ZNF461: variants seen among roughly 807,000 people sequenced by gnomAD.
ZNF461 encodes the protein gonadotropin-inducible ovarian transcription factor-1.
ZNF461 carries 16 observed loss-of-function variants against 18.3 expected under a neutral mutation model. The observed-to-expected ratio is 0.88, with a 90% confidence interval of 0.59 to 1.33. The LOEUF is 1.33. Among genes scored for constraint, ZNF461 ranks in the 40% most tolerant of loss-of-function variants. ZNF461 has a pLI of 0.00. For missense variants in ZNF461, 595 were observed against 669.9 expected, an observed-to-expected ratio of 0.89 and a Z score of 1.23; for synonymous variants, 179 against 216.9, an observed-to-expected ratio of 0.83 and a Z score of 1.54.
intron 3 of ZNF461, among the ~76,000 whole-genome samples, chr19:36,657,416 G>A (rs2037742589): frequency 6.6e-6 from 1 of 151,774 alleles, no homozygotes; most frequent in Non-Finnish European, 1.5e-5. Flanking sequence ...GGGAGGCAGA[G>A]GTTGCAGTGA....
At chr19:36,647,628 A>T (rs571783162) in intron 4 of ZNF461, among the ~76,000 whole-genome samples, 4 of 152,334 alleles carry the variant, frequency 2.6e-5, no homozygotes, top group African/African-American at 9.6e-5. Context: ...TATACCTAGA[A>T]GTAGAATTGC....
chr19:36,644,019 G>A (rs1230077071), intron 4 of ZNF461, among the ~76,000 whole-genome samples, 157 bp from the exon 5 acceptor site: 7 of 151,900 alleles, frequency 4.6e-5, no homozygotes, highest in Non-Finnish European at 8.8e-5. Flanking sequence ...TGCAACCCCC[G>A]CCTACTGGGT....
intron 1 of ZNF461, 49 bp from the exon 2 acceptor site, chr19:36,664,835 G>T: frequency 3.2e-6 from 2 of 619,386 alleles, no homozygotes; most frequent in Non-Finnish European, 5.3e-6. Context: ...TTGCCTCTAA[G>T]CTCCCAAAAT....
Position 36,639,385 on chromosome 19 carries a change from C to CT in ZNF461, c.959dup (p.Arg321GlufsTer6). ...AGGGTTTTTCACCAGTATGAAGTCT[C>CT]TGATGTTGAGTAAGCTGTGATCGCT... On this transcript the variant is annotated frameshift_variant, in exon 6 of 6. Transcript: ENST00000588268. LOFTEE classifies it low-confidence loss of function (END_TRUNC). 1 of 1,613,906 alleles carries CT rather than the reference C, an allele frequency of 6.2e-7. No homozygotes were observed. Among genetic ancestry groups the CT allele is most frequent in the Non-Finnish European group, 8.5e-7 (1 of 1,179,984 alleles).
chr19:36,651,555 C>A (rs146166980), intron 4 of ZNF461, among the ~76,000 whole-genome samples: 1 of 152,010 alleles, frequency 6.6e-6, no homozygotes, highest in Admixed American at 6.5e-5. Flanking sequence ...TAACTACACT[C>A]CAATATAAAA....
chr19:36,639,431 T>G lies in ZNF461; in HGVS notation c.914A>C (p.Glu305Ala). The change falls in exon 6 of 6, where the codon GAA (glutamate) becomes GCA (alanine). Residue 305 changes from glutamate to alanine, a missense_variant. Coordinates refer to ENST00000588268, the MANE Select transcript of ZNF461 (RefSeq NM_153257.5). Reference sequence around the variant, plus strand: ...TCGCTGTCTAAAGGCCTTCCCACATTCTTTACATTCATAAGGTTTCTCACC... The same window carrying G: ...TCGCTGTCTAAAGGCCTTCCCACATGCTTTACATTCATAAGGTTTCTCACC... The part of the protein sequence containing the change: ...HTGEKPYECK[E>A]CGKAFRQRSQ... 6.2e-7 allele frequency: 1 copy of G among 1,614,078 alleles called. No individual in the cohort carries two copies. The highest frequency in any genetic ancestry group is 8.5e-7 in the Non-Finnish European group (1 of 1,179,996).
At chr19:36,643,416 T>C (rs2037464686) in intron 5 of ZNF461, 1 of 153,692 alleles carries the variant, frequency 6.5e-6, no homozygotes, top group Non-Finnish European at 1.4e-5. Context: ...GGTTCATTTG[T>C]AATATTACAA....
chr19:36,640,973 C>T (rs1237259113), intron 5 of ZNF461, among the ~76,000 whole-genome samples: 1 of 152,136 alleles, frequency 6.6e-6, no homozygotes, highest in Non-Finnish European at 1.5e-5. Context: ...GAGTCCAATT[C>T]CTTTTTATTC....
chr19:36,654,116 C>G (rs1481736799), intron 4 of ZNF461, among the ~76,000 whole-genome samples: 1 of 152,030 alleles, frequency 6.6e-6, no homozygotes, highest in Non-Finnish European at 1.5e-5. Context: ...TCTTTGCAAC[C>G]TCTTGTGAAT....
chr19:36,655,970 C>T (rs2145403258), intron 4 of ZNF461, among the ~76,000 whole-genome samples: 1 of 148,474 alleles, frequency 6.7e-6, no homozygotes, highest in South Asian at 2.2e-4. Flanking sequence ...TATTTCTGGG[C>T]TTTCTATTCT....
chr19:36,641,442 C>T (rs193204900), intron 5 of ZNF461, among the ~76,000 whole-genome samples: 28 of 151,672 alleles, frequency 1.8e-4, no homozygotes, highest in Admixed American at 1.4e-3. Context: ...TTGCTTGAAC[C>T]GGGAGGTGGA....
chr19:36,646,146 T>C (rs2037523664), intron 4 of ZNF461, among the ~76,000 whole-genome samples: 1 of 149,000 alleles, frequency 6.7e-6, no homozygotes, highest in African/African-American at 2.5e-5. Flanking sequence ...TTGTTGTTGA[T>C]TGAGATGGAG....
At chr19:36,656,367 G>T in intron 4 of ZNF461, 81 bp downstream of exon 4, 1 of 1,110,778 alleles carries the variant, frequency 9.0e-7, no homozygotes, top group Non-Finnish European at 1.4e-6. Flanking sequence ...CCCAAAGTTT[G>T]GTTTAAAATA....
At position 36,640,047 on chromosome 19, in the gene ZNF461, AAAGAT is replaced by A; in HGVS notation, c.302-9_302-5del. ...GGCTCATCTCTGGATGCCAAGTCTG[AAAGAT>A]AAGAAATATATTTTAACTCCTGGTT... On this transcript the variant is annotated splice_polypyrimidine_tract_variant and splice_region_variant and intron_variant, in intron 5 of 5. Coordinates refer to ENST00000588268, the MANE Select transcript of ZNF461 (RefSeq NM_153257.5). The A allele has an allele frequency of 1.3e-6, 2 of 1,592,026 alleles. No individual in the cohort carries two copies. Among genetic ancestry groups the A allele is most frequent in the South Asian group, 2.3e-5 (2 of 88,314 alleles).
At position 36,639,319 on chromosome 19, in the gene ZNF461, A is replaced by T; in HGVS notation, c.1026T>A (p.Phe342Leu). 2 of 1,613,070 alleles carry T rather than the reference A, an allele frequency of 1.2e-6. No individual in the cohort carries two copies. The highest frequency in any genetic ancestry group is 1.7e-6 in the Non-Finnish European group (2 of 1,179,748). Residue 342 changes from phenylalanine (F) to leucine (L), a missense_variant, in exon 6 of 6, where the codon TTT becomes TTA. Phe to Leu is a conservative substitution (Grantham distance 22). Coordinates refer to ENST00000588268, the MANE Select transcript of ZNF461 (RefSeq NM_153257.5). ...GGAGTCGCAGGTGTTCAGTAAGTTG[A>T]AAGCCACGAATAAAAGCCTTCCCAC... ...KQCGKAFIRG[F>L]QLTEHLRLHT... is the part of the protein sequence containing the mutation.
At chr19:36,664,189 G>C (rs2037864078) in intron 2 of ZNF461, among the ~76,000 whole-genome samples, 1 of 152,306 alleles carries the variant, frequency 6.6e-6, no homozygotes, top group South Asian at 2.1e-4. Flanking sequence ...ATATGAACAT[G>C]AGTTGGAGAT....
chr19:36,644,605 GT>G (rs966708440), intron 4 of ZNF461, among the ~76,000 whole-genome samples: 3 of 148,120 alleles, frequency 2.0e-5, no homozygotes, highest in African/African-American at 7.5e-5. Flanking sequence ...TTTTGTTTTT[GT>G]TTTTTTTGAG....
At chr19:36,640,166 C>G in intron 5 of ZNF461, 123 bp from the exon 6 acceptor site, 3 of 826,068 alleles carry the variant, frequency 3.6e-6, no homozygotes, top group Admixed American at 6.2e-5. Context: ...TTGGAGAACT[C>G]TTAAATGGGT....
intron 2 of ZNF461, among the ~76,000 whole-genome samples, chr19:36,659,689 G>GA (rs1160477983): frequency 6.6e-6 from 1 of 152,182 alleles, no homozygotes; most frequent in Non-Finnish European, 1.5e-5. Flanking sequence ...AATCACACCT[G>GA]AGAGGTCTTA....
Sources: gnomAD v4.1 joint callset for allele counts (sites outside exome capture counted in the v4.1 genomes callset) on GRCh38, gnomAD v4.1.1 for gene constraint, MANE v1.5 for transcripts, NCBI Gene and HGNC (gene_info 2026-07-23, HGNC 2026-07-21) for gene names.